TBC1D1: variants seen among roughly 807,000 people sequenced by gnomAD.
The protein encoded by TBC1D1 is TBC1 domain family member 1, also known as TBC1 (tre-2/USP6, BUB2, cdc16) domain family, member 1.
Under a neutral mutation model 125.6 loss-of-function variants are expected in TBC1D1, and 89 were observed. That is an observed-to-expected ratio of 0.71 (90% CI 0.60 to 0.85). The LOEUF is 0.85. Ranked by LOEUF, TBC1D1 falls within the 40% of genes least tolerant of loss-of-function variation. TBC1D1 has a pLI of 0.00. For missense variants in TBC1D1, 1,377 were observed against 1,469.2 expected, an observed-to-expected ratio of 0.94 and a Z score of 1.03; for synonymous variants, 565 against 564.1, an observed-to-expected ratio of 1.00 and a Z score of -0.02.
chr4:38,032,678 CA>C (rs1371960684), intron 7 of TBC1D1, among the ~76,000 whole-genome samples: 2 of 151,644 alleles, frequency 1.3e-5, no homozygotes, highest in Non-Finnish European at 2.9e-5. Flanking sequence ...ACTAAAAATA[CA>C]AAAAAATTAG....
chr4:38,032,854 A>AG (rs1056056952), intron 7 of TBC1D1, among the ~76,000 whole-genome samples: 7 of 151,928 alleles, frequency 4.6e-5, no homozygotes, highest in African/African-American at 1.4e-4. Context: ...AAAAAAAAAA[A>AG]AAAGAAAGAA....
chr4:38,066,750 C>A (rs538228688), intron 12 of TBC1D1, among the ~76,000 whole-genome samples: 1 of 152,190 alleles, frequency 6.6e-6, no homozygotes, highest in African/African-American at 2.4e-5. Flanking sequence ...GGGAGCTCTC[C>A]GCTTTGTGAG....
intron 2 of TBC1D1, among the ~76,000 whole-genome samples, chr4:37,909,215 G>A (rs2925951): frequency 0.68 from 103,119 of 152,094 alleles, 35,696 homozygotes; most frequent in African/African-American, 0.83. Context: ...TGGGCTGCAT[G>A]TTACCTCGCA....
chr4:38,012,357 T>C (rs1214859033), intron 2 of TBC1D1, among the ~76,000 whole-genome samples: 1 of 152,168 alleles, frequency 6.6e-6, no homozygotes, highest in African/African-American at 2.4e-5. Flanking sequence ...CTTGGCTTAC[T>C]GCAGCCTCCA....
intron 6 of TBC1D1, among the ~76,000 whole-genome samples, chr4:38,023,041 A>T (rs1220429535): frequency 6.6e-6 from 1 of 152,066 alleles, no homozygotes; most frequent in East Asian, 1.9e-4. Context: ...ACATGGTGAA[A>T]CCCTGTCTCT....
chr4:37,925,666 A>C (rs1308986519), intron 2 of TBC1D1, among the ~76,000 whole-genome samples: 1 of 145,148 alleles, frequency 6.9e-6, no homozygotes, highest in Non-Finnish European at 1.5e-5. Flanking sequence ...CTGGTGATAG[A>C]GCGAGACTCC....
At chr4:37,939,828 G>T (rs1254176356) in intron 2 of TBC1D1, among the ~76,000 whole-genome samples, 1 of 152,186 alleles carries the variant, frequency 6.6e-6, no homozygotes, top group African/African-American at 2.4e-5. Context: ...AGATCAGATG[G>T]TTATAGATGC....
intron 2 of TBC1D1, among the ~76,000 whole-genome samples, chr4:37,967,256 A>G (rs1731241505): frequency 6.6e-6 from 1 of 152,162 alleles, no homozygotes; most frequent in Non-Finnish European, 1.5e-5. Context: ...GCACTTTGGG[A>G]GGGCGAGGCG....
chr4:38,039,585 GTTTC>G (rs946284497), intron 8 of TBC1D1, among the ~76,000 whole-genome samples: 17 of 152,154 alleles, frequency 1.1e-4, no homozygotes, highest in African/African-American at 3.9e-4. Flanking sequence ...AATGTCAAGA[GTTTC>G]TTTCTCCATT....
intron 2 of TBC1D1, among the ~76,000 whole-genome samples, chr4:37,990,113 AT>A: frequency 6.6e-6 from 1 of 152,208 alleles, no homozygotes; most frequent in East Asian, 1.9e-4. Flanking sequence ...AAACTGTCAG[AT>A]TTTTGAGACG....
intron 2 of TBC1D1, among the ~76,000 whole-genome samples, chr4:37,934,529 T>G (rs1243604599): frequency 1.3e-5 from 2 of 152,098 alleles, no homozygotes; most frequent in Admixed American, 1.3e-4. Flanking sequence ...TCCGTCCTGG[T>G]TGTGTCCCAG....
chr4:38,112,152 C>G (rs1762295843), intron 15 of TBC1D1: 1 of 814,360 alleles, frequency 1.2e-6, no homozygotes, highest in Non-Finnish European at 1.5e-6. Flanking sequence ...TTTGCTGAAT[C>G]TAGGTGGTGG....
intron 17 of TBC1D1, among the ~76,000 whole-genome samples, chr4:38,121,064 C>T (rs564315741): frequency 1.3e-5 from 2 of 152,272 alleles, no homozygotes; most frequent in South Asian, 4.1e-4. Context: ...TTTCTGTGGC[C>T]AGGAAAATCT....
intron 2 of TBC1D1, among the ~76,000 whole-genome samples, chr4:37,964,195 T>A (rs16994124): frequency 0.015 from 2,356 of 152,316 alleles, 38 homozygotes; most frequent in Non-Finnish European, 0.026. Flanking sequence ...TGCACACACA[T>A]GGGCCAGGGT....
chr4:38,026,978 T>C (rs532626635), intron 6 of TBC1D1, among the ~76,000 whole-genome samples: 57 of 152,336 alleles, frequency 3.7e-4, no homozygotes, highest in African/African-American at 1.3e-3. Context: ...GTGGGTCAGT[T>C]TTCCAACAGA....
intron 13 of TBC1D1, among the ~76,000 whole-genome samples, chr4:38,091,637 G>T (rs529442101): frequency 1.1e-4 from 16 of 152,334 alleles, no homozygotes; most frequent in African/African-American, 3.8e-4. Flanking sequence ...TAAAATCAGG[G>T]CATAGCTATA....
intron 2 of TBC1D1, among the ~76,000 whole-genome samples, chr4:37,928,581 G>C (rs371496132): frequency 6.6e-6 from 1 of 152,052 alleles, no homozygotes; most frequent in Non-Finnish European, 1.5e-5. Flanking sequence ...CTCTCTTGCC[G>C]CTGTAGCGCA....
intron 2 of TBC1D1, among the ~76,000 whole-genome samples, chr4:37,905,121 G>A (rs966374213): frequency 1.1e-4 from 17 of 152,222 alleles, no homozygotes; most frequent in African/African-American, 4.1e-4. Context: ...AATGTCTTGG[G>A]AGAAGAGGCA....
Position 37,902,290 on chromosome 4 carries a change from G to T in TBC1D1, c.195G>T (p.Arg65=), listed in dbSNP as rs1163322866. The change falls in exon 2 of 20, where the codon CGG becomes CGT. Residue 65 remains arginine, a synonymous_variant. Transcript: ENST00000261439. Reference sequence around the variant, plus strand: ...AGGAACCTGTAACCAAGCAAGTCCGGCTTTGCGTTTCACCCTCTGGACTGA... The same window carrying T: ...AGGAACCTGTAACCAAGCAAGTCCGTCTTTGCGTTTCACCCTCTGGACTGA... 6.2e-7 allele frequency: 1 copy of T among 1,614,110 alleles called. No homozygotes were observed. Among genetic ancestry groups the T allele is most frequent in the South Asian group, 1.1e-5 (1 of 91,084 alleles).
Sources: allele counts gnomAD v4.1 joint callset (sites outside exome capture counted in the v4.1 genomes callset), GRCh38; gene constraint gnomAD v4.1.1; transcripts MANE v1.5; gene names NCBI Gene and HGNC (gene_info 2026-07-23, HGNC 2026-07-21).